The following SEPTIN10 variants were observed in gnomAD, a reference collection of about 807,000 sequenced individuals.
SEPTIN10 encodes the protein septin 10, also known as septin-10.
A neutral mutation model predicts 54.8 loss-of-function variants in SEPTIN10; 66 were observed. That is an observed-to-expected ratio of 1.21 (90% CI 0.99 to 1.48). The LOEUF (loss-of-function observed/expected upper bound fraction) is 1.48. SEPTIN10 is among the 40% of genes most tolerant of loss of function. SEPTIN10 has a pLI of 0.00. For synonymous variants in SEPTIN10, 161 were observed against 181.0 expected, an observed-to-expected ratio of 0.89 and a Z score of 0.89; for missense variants, 620 against 545.6, an observed-to-expected ratio of 1.14 and a Z score of -1.36.
intron 1 of SEPTIN10, among the ~76,000 whole-genome samples, chr2:109,602,852 T>A (rs1463643247): frequency 7.2e-6 from 1 of 139,340 alleles, no homozygotes; most frequent in East Asian, 2.1e-4. Flanking sequence ...GAGAAATAGA[T>A]ACCCATTAAA....
chr2:109,597,095 A>C (rs1695466061), intron 1 of SEPTIN10, among the ~76,000 whole-genome samples: 1 of 152,070 alleles, frequency 6.6e-6, no homozygotes, highest in East Asian at 1.9e-4. Flanking sequence ...CCACTGGCAC[A>C]TCCCAGCACA....
chr2:109,552,721 C>T (rs1042987190), intron 9 of SEPTIN10: 3 of 192,288 alleles, frequency 1.6e-5, no homozygotes, highest in South Asian at 1.9e-4. Flanking sequence ...CAAAGACAAA[C>T]CACCACTGAG....
intron 2 of SEPTIN10, 115 bp downstream of exon 2, chr2:109,592,936 G>T: frequency 1.8e-6 from 1 of 545,572 alleles, no homozygotes; most frequent in Non-Finnish European, 3.0e-6. Flanking sequence ...CACGTTGGAG[G>T]TAAGTACAAA....
At position 109,567,902 on chromosome 2, in the gene SEPTIN10, G is replaced by A. The variant is rs767776057; in HGVS notation, c.675C>T (p.Leu225=). Residue 225 remains leucine, a synonymous_variant, in exon 6 of 11, where the codon CTC becomes CTT. Coordinates refer to ENST00000397712, the MANE Select transcript of SEPTIN10 (RefSeq NM_144710.5). The part of the protein sequence containing the change: ...KTELQKFKIK[L]MSELVSNGVQ... ...CGCCATTGCTGACCAATTCACTCAT[G>A]AGCTTGATCTTAAACTTCTGTAATT... is the stretch of plus-strand genomic sequence containing the variant. The A allele has an allele frequency of 8.1e-6, 13 of 1,614,010 alleles. No homozygotes were observed. The highest frequency in any genetic ancestry group is 1.1e-5 in the Non-Finnish European group (13 of 1,179,950).
intron 2 of SEPTIN10, among the ~76,000 whole-genome samples, chr2:109,592,525 A>C (rs536582627): frequency 6.6e-6 from 1 of 151,928 alleles, no homozygotes; most frequent in South Asian, 2.1e-4. Context: ...GTGGCCTGTA[A>C]TCCTAGCACT....
chr2:109,604,579 T>G (rs1209216935), intron 1 of SEPTIN10, among the ~76,000 whole-genome samples: 1 of 151,504 alleles, frequency 6.6e-6, no homozygotes, highest in Non-Finnish European at 1.5e-5. Flanking sequence ...TACAAAAAAT[T>G]AGCCAGGCAT....
chr2:109,572,609 CTTTTTTTTTTTTTTTT>C (rs60520770), intron 5 of SEPTIN10, among the ~76,000 whole-genome samples: 1 of 111,202 alleles, frequency 9.0e-6, no homozygotes, highest in African/African-American at 3.8e-5. Context: ...TTTAAAACAA[CTTTTTTTTTTTTTTTT>C]TTTTTTTTTG....
intron 9 of SEPTIN10, among the ~76,000 whole-genome samples, chr2:109,546,775 C>G (rs1681362571): frequency 6.6e-6 from 1 of 151,874 alleles, no homozygotes. Flanking sequence ...GTCCTGAGAT[C>G]TAGGCTTAAA....
intron 4 of SEPTIN10, among the ~76,000 whole-genome samples, chr2:109,579,091 C>T (rs1660708321): frequency 6.6e-6 from 1 of 151,964 alleles, no homozygotes; most frequent in South Asian, 2.1e-4. Flanking sequence ...TCAGGAAAGA[C>T]AGAATATCAT....
intron 2 of SEPTIN10, among the ~76,000 whole-genome samples, chr2:109,590,021 T>C (rs1039472926): frequency 2.1e-4 from 31 of 150,018 alleles, no homozygotes; most frequent in African/African-American, 2.7e-4. Flanking sequence ...TATATATATA[T>C]ACACACACAT....
intron 1 of SEPTIN10, among the ~76,000 whole-genome samples, chr2:109,611,265 T>C (rs1353712240): frequency 6.6e-6 from 1 of 152,188 alleles, no homozygotes; most frequent in Non-Finnish European, 1.5e-5. Flanking sequence ...CTTTGGGATC[T>C]AAGGTTAGGC....
intron 9 of SEPTIN10, among the ~76,000 whole-genome samples, chr2:109,550,341 C>T (rs962540570): frequency 6.7e-6 from 1 of 150,272 alleles, no homozygotes; most frequent in Admixed American, 6.6e-5. Flanking sequence ...GAGACGGATT[C>T]TCGCTCTGTT....
At position 109,567,923 on chromosome 2, in the gene SEPTIN10, T is replaced by C; in HGVS notation, c.654A>G (p.Leu218=). The change falls in exon 6 of 11, where the codon TTA becomes TTG. Residue 218 remains leucine, a synonymous_variant. Transcript: ENST00000397712. ...TCATGAGCTTGATCTTAAACTTCTG[T>C]AATTCAGTTTTAGAAACCGTATCTG... The part of the protein sequence containing the change: ...AKADTVSKTE[L]QKFKIKLMSE... The C allele has an allele frequency of 6.2e-7, 1 of 1,614,050 alleles. No individual in the cohort carries two copies.
At chr2:109,582,600 C>T (rs1691469282) in intron 4 of SEPTIN10, among the ~76,000 whole-genome samples, 1 of 152,078 alleles carries the variant, frequency 6.6e-6, no homozygotes, top group Non-Finnish European at 1.5e-5. Flanking sequence ...GGATTACAGG[C>T]GTAAGGCACC....
chr2:109,546,014 G>A (rs1573348433), intron 10 of SEPTIN10, 36 bp downstream of exon 10: 1 of 1,536,174 alleles, frequency 6.5e-7, no homozygotes, highest in Non-Finnish European at 8.7e-7. Flanking sequence ...GACAAGTGTG[G>A]GCAGGGCTGC....
At chr2:109,586,133 C>A (rs1395588012) in intron 2 of SEPTIN10, among the ~76,000 whole-genome samples, 1 of 151,930 alleles carries the variant, frequency 6.6e-6, no homozygotes, top group Non-Finnish European at 1.5e-5. Flanking sequence ...TATTCACTTA[C>A]AAAATAAAAA....
chr2:109,580,326 A>G lies in SEPTIN10; in HGVS notation c.413+4800T>C, dbSNP rs188600783. Reference sequence around the variant, plus strand: ...ACCTTACTAAAGATTAAATGAAAGAAGTCACAATTTCTCCATAAAATGCAA... The same window carrying G: ...ACCTTACTAAAGATTAAATGAAAGAGGTCACAATTTCTCCATAAAATGCAA... On this transcript the variant is annotated intron_variant, in intron 4 of 10. Coordinates refer to ENST00000397712, the MANE Select transcript of SEPTIN10 (RefSeq NM_144710.5). 2.0e-3 allele frequency among the ~76,000 whole-genome samples: 291 copies of G among 148,108 alleles called. 1 individual carries two copies. The highest frequency in any genetic ancestry group is 6.6e-3 in the African/African-American group (268 of 40,558).
At chr2:109,546,527 T>C (rs1224995336) in intron 9 of SEPTIN10, among the ~76,000 whole-genome samples, 1 of 152,092 alleles carries the variant, frequency 6.6e-6, no homozygotes, top group Non-Finnish European at 1.5e-5. Context: ...CGGTGTGTAT[T>C]TTCCCTACAA....
intron 7 of SEPTIN10, 115 bp from the exon 8 acceptor site, chr2:109,564,649 G>C (rs933423721): frequency 1.1e-5 from 10 of 885,108 alleles, no homozygotes; most frequent in Non-Finnish European, 1.4e-5. Flanking sequence ...AATAGCAAAT[G>C]ATCAGTTTGA....
Sources: allele counts gnomAD v4.1 joint callset (sites outside exome capture counted in the v4.1 genomes callset), GRCh38; gene constraint gnomAD v4.1.1; transcripts MANE v1.5; gene names NCBI Gene and HGNC (gene_info 2026-07-23, HGNC 2026-07-21).